The following VAC14 variants were observed in gnomAD, a reference collection of about 807,000 sequenced individuals.
The protein encoded by VAC14 is protein VAC14 homolog.
Under a neutral mutation model 85.3 loss-of-function variants are expected in VAC14, and 47 were observed. That is an observed-to-expected ratio of 0.55 (90% CI 0.44 to 0.70). The LOEUF is 0.70. Ranked by LOEUF, VAC14 falls within the 30% of genes least tolerant of loss-of-function variation. The pLI is 0.00. For synonymous variants in VAC14, 447 were observed against 430.5 expected (o/e 1.04, Z -0.47); for missense variants, 861 against 1,004.3 (o/e 0.86, Z 1.93).
intron 14 of VAC14, among the ~76,000 whole-genome samples, chr16:70,718,496 C>A (rs2054215006): frequency 6.6e-6 from 1 of 151,892 alleles, no homozygotes; most frequent in African/African-American, 2.4e-5. Flanking sequence ...ATGGCATGAA[C>A]CCAGGAGGCA....
At chr16:70,796,691 A>C (rs1328832958) in intron 1 of VAC14, among the ~76,000 whole-genome samples, 3 of 152,188 alleles carry the variant, frequency 2.0e-5, no homozygotes, top group African/African-American at 7.2e-5. Context: ...AAACCAAAGG[A>C]AGCTTTTCTA....
At chr16:70,761,849 G>A (rs567924379) in intron 12 of VAC14, among the ~76,000 whole-genome samples, 2 of 152,206 alleles carry the variant, frequency 1.3e-5, no homozygotes, top group African/African-American at 2.4e-5. Flanking sequence ...CTAACTGAGC[G>A]TGCAGCAGGG....
At chr16:70,721,363 C>CGAGGAAGAGGAGGAGAAAGAA (rs1361287023) in intron 14 of VAC14, among the ~76,000 whole-genome samples, 2 of 149,896 alleles carry the variant, frequency 1.3e-5, no homozygotes, top group African/African-American at 4.9e-5. Flanking sequence ...AACAGGAAGC[C>CGAGGAAGAGGAGGAGAAAGAA]GAGGAAGAGG....
intron 18 of VAC14, chr16:70,688,500 G>C: frequency 1.0e-6 from 1 of 988,844 alleles, no homozygotes; most frequent in Non-Finnish European, 1.2e-6. Flanking sequence ...CCCTTTCTCT[G>C]AGAGGCAGGG....
intron 12 of VAC14, among the ~76,000 whole-genome samples, chr16:70,752,673 T>C (rs1004165632): frequency 2.6e-5 from 4 of 152,206 alleles, no homozygotes; most frequent in African/African-American, 7.2e-5. Context: ...TGTGGTTTAC[T>C]TGCAAGCTAC....
At chr16:70,702,359 CCT>C (rs937214237) in intron 14 of VAC14, among the ~76,000 whole-genome samples, 1 of 152,180 alleles carries the variant, frequency 6.6e-6, no homozygotes, top group Non-Finnish European at 1.5e-5. Context: ...GAGGTGTCTC[CCT>C]CTGAGCATCG....
intron 10 of VAC14, chr16:70,771,878 G>GC: frequency 1.9e-6 from 1 of 513,234 alleles, no homozygotes; most frequent in Admixed American, 3.3e-5. Context: ...ACCATGTCTG[G>GC]CCCCCAGTGG....
intron 13 of VAC14, among the ~76,000 whole-genome samples, chr16:70,742,531 G>C (rs1474361513): frequency 6.6e-6 from 1 of 152,240 alleles, no homozygotes; most frequent in Non-Finnish European, 1.5e-5. Context: ...AGTCCCAGCA[G>C]GGGTCCCAGG....
intron 9 of VAC14, among the ~76,000 whole-genome samples, chr16:70,775,530 G>A (rs2033474154): frequency 6.6e-6 from 1 of 152,166 alleles, no homozygotes; most frequent in Admixed American, 6.5e-5. Flanking sequence ...TGTCTGTACT[G>A]CTGCCTGCCC....
intron 13 of VAC14, among the ~76,000 whole-genome samples, chr16:70,743,683 GA>G (rs2030582515): frequency 6.6e-6 from 1 of 152,194 alleles, no homozygotes; most frequent in Non-Finnish European, 1.5e-5. Flanking sequence ...GAACCCACCA[GA>G]AGGAATAAAT....
chr16:70,801,091 CT>C lies in VAC14; in HGVS notation c.-192del. ...GGACCCCGCTCCAGCACACCTGACC[CT>C]GGCCGCTTAACAACTCCCGCCCGGC... is the stretch of plus-strand genomic sequence containing the variant. On this transcript the variant is annotated 5_prime_UTR_variant, in exon 1 of 19. Coordinates refer to ENST00000261776, the MANE Select transcript of VAC14 (RefSeq NM_018052.5). The C allele has an allele frequency of 4.4e-6, 2 of 453,898 alleles. No individual in the cohort carries two copies. The highest frequency in any genetic ancestry group is 7.7e-6 in the Non-Finnish European group (2 of 259,904). 28.1% of individuals were successfully genotyped at this position (453,898 alleles called of 1,614,324 possible).
Position 70,726,736 on chromosome 16 carries a change from G to GTGAGCT in VAC14, c.1661+4753_1661+4758dup, listed in dbSNP as rs1357160953. On this transcript the variant is annotated intron_variant, in intron 14 of 18. Coordinates refer to ENST00000261776, the MANE Select transcript of VAC14 (RefSeq NM_018052.5). ...ACATGTCGCCATCTTCGCTCTATCT[G>GTGAGCT]TGAGCTTGGCCTCAACTCCCTGCTG... is the stretch of plus-strand genomic sequence containing the variant. 2.6e-5 allele frequency among the ~76,000 whole-genome samples: 4 copies of GTGAGCT among 152,332 alleles called. No individual in the cohort carries two copies. In the East Asian group the frequency reaches 7.7e-4, roughly 29 times the overall value.
chr16:70,722,134 G>C (rs1421936521), intron 14 of VAC14, among the ~76,000 whole-genome samples: 1 of 152,216 alleles, frequency 6.6e-6, no homozygotes, highest in Non-Finnish European at 1.5e-5. Flanking sequence ...CCACTCTCCT[G>C]GGACTCACTG....
chr16:70,767,406 A>G (rs1203508550), intron 10 of VAC14, among the ~76,000 whole-genome samples: 1 of 152,220 alleles, frequency 6.6e-6, no homozygotes, highest in Non-Finnish European at 1.5e-5. Context: ...ACAGATAATT[A>G]TAAATTTTTT....
At chr16:70,760,364 T>C (rs183577727) in intron 12 of VAC14, among the ~76,000 whole-genome samples, 1 of 152,268 alleles carries the variant, frequency 6.6e-6, no homozygotes, top group African/African-American at 2.4e-5. Flanking sequence ...ATGGTTGTTT[T>C]CCCATTGCCA....
chr16:70,694,305 C>T (rs2053662056), intron 17 of VAC14, among the ~76,000 whole-genome samples: 1 of 152,198 alleles, frequency 6.6e-6, no homozygotes, highest in African/African-American at 2.4e-5. Flanking sequence ...GGAGCAGGGT[C>T]TTTTTAGGAT....
intron 14 of VAC14, among the ~76,000 whole-genome samples, chr16:70,710,686 T>C (rs1388061957): frequency 6.6e-6 from 1 of 152,224 alleles, no homozygotes; most frequent in Non-Finnish European, 1.5e-5. Context: ...TTCTGCCTCG[T>C]CGGTGCTGGA....
At chr16:70,725,699 C>A (rs1484083328) in intron 14 of VAC14, among the ~76,000 whole-genome samples, 1 of 152,214 alleles carries the variant, frequency 6.6e-6, no homozygotes, top group African/African-American at 2.4e-5. Flanking sequence ...GAACCGGAAG[C>A]CTTGCTGCTG....
At chr16:70,718,940 T>C (rs780877030) in intron 14 of VAC14, among the ~76,000 whole-genome samples, 1 of 152,202 alleles carries the variant, frequency 6.6e-6, no homozygotes, top group Non-Finnish European at 1.5e-5. Context: ...TTGGTCTGGA[T>C]ACAGAGGCCA....
Sources: gnomAD v4.1 joint callset for allele counts (sites outside exome capture counted in the v4.1 genomes callset) on GRCh38, gnomAD v4.1.1 for gene constraint, MANE v1.5 for transcripts, NCBI Gene and HGNC (gene_info 2026-07-23, HGNC 2026-07-21) for gene names.